PDE4D: variants seen among roughly 807,000 people sequenced by gnomAD.
PDE4D encodes the protein phosphodiesterase 4D.
A neutral mutation model predicts 87.4 loss-of-function variants in PDE4D; 24 were observed. The observed-to-expected ratio is 0.27, with a 90% CI of 0.20 to 0.39. The LOEUF (loss-of-function observed/expected upper bound fraction) is 0.39. Ranked by LOEUF, PDE4D falls within the 10% of genes least tolerant of loss-of-function variation. PDE4D has a pLI of 1.00. For synonymous variants in PDE4D, 384 were observed against 383.2 expected (o/e 1.00, Z -0.02); for missense variants, 714 against 1,041.0 (o/e 0.69, Z 4.32).
At chr5:59,878,474 C>G (rs545889703) in intron 1 of PDE4D, among the ~76,000 whole-genome samples, 2 of 151,888 alleles carry the variant, frequency 1.3e-5, no homozygotes, top group Non-Finnish European at 2.9e-5. Flanking sequence ...TATTTATTTA[C>G]TTACTTACTA....
rs528390359 is a variant in PDE4D at position 59,761,286 on chromosome 5, A to G, written c.455+131882T>C. Among the ~76,000 whole-genome samples the G allele has an allele frequency of 8.2e-4, 123 of 150,400 alleles. No individual in the cohort carries two copies. The Middle Eastern group carries it at 0.01, about 12-fold the overall frequency. ...GACTCAGTGAGTGAGTGGTGAGTCA[A>G]TGTGAAGGCCTGGGACATTTCCACA... On this transcript the variant is annotated intron_variant, in intron 1 of 14. Coordinates refer to ENST00000340635, the MANE Select transcript of PDE4D (RefSeq NM_001104631.2).
intron 5 of PDE4D, among the ~76,000 whole-genome samples, chr5:59,074,883 T>A (rs1364285040): frequency 6.6e-6 from 1 of 152,154 alleles, no homozygotes; most frequent in Non-Finnish European, 1.5e-5. Flanking sequence ...CACACAATGT[T>A]CTGACTTCCT....
At position 58,975,886 on chromosome 5, in the gene PDE4D, TAAAAAAAAAAAC is replaced by T; in HGVS notation, c.1831-59_1831-48del. 1 of 1,067,236 alleles carries T rather than the reference TAAAAAAAAAAAC, an allele frequency of 9.4e-7. No homozygotes were observed. Among genetic ancestry groups the T allele is most frequent in the Non-Finnish European group, 1.3e-6 (1 of 797,902 alleles). 66.1% of individuals were successfully genotyped at this position (1,067,236 alleles called of 1,614,324 possible). On this transcript the variant is annotated intron_variant, in intron 13 of 14. Transcript: ENST00000340635. This position sits in a 1 kb window ranked among gnomAD's most constrained non-coding sequence, Gnocchi z 4.2. ...TCTATTCACTCCTGTTCCTTTTTTT[TAAAAAAAAAAAC>T]AAAAAAAACTAGAAATTCACATTGG...
intron 1 of PDE4D, among the ~76,000 whole-genome samples, chr5:59,520,946 A>G (rs1812118910): frequency 6.6e-6 from 1 of 152,102 alleles, no homozygotes; most frequent in African/African-American, 2.4e-5. Flanking sequence ...GTATATATAT[A>G]TAATGTATAT....
At chr5:60,117,825 T>TACAC (rs370541468) in intron 2 of PDE4D, among the ~76,000 whole-genome samples, 6 of 148,156 alleles carry the variant, frequency 4.0e-5, no homozygotes, top group African/African-American at 2.5e-5. Context: ...CACACACACA[T>TACAC]ACACACACAC....
At chr5:60,253,317 G>A (rs1022206154) in intron 1 of PDE4D, among the ~76,000 whole-genome samples, 1 of 151,900 alleles carries the variant, frequency 6.6e-6, no homozygotes, top group African/African-American at 2.4e-5. Flanking sequence ...ATATGAAAGA[G>A]CAAGTCATCC....
At chr5:59,291,233 T>C (rs932641575) in intron 1 of PDE4D, among the ~76,000 whole-genome samples, 5 of 152,106 alleles carry the variant, frequency 3.3e-5, no homozygotes, top group African/African-American at 7.2e-5. Context: ...ATATATATAA[T>C]GTAGTACTAT....
chr5:59,867,722 C>G (rs920098851), intron 1 of PDE4D, among the ~76,000 whole-genome samples: 10 of 152,126 alleles, frequency 6.6e-5, no homozygotes, highest in African/African-American at 2.4e-4. Context: ...ATGTCTCATC[C>G]AGATCATGGA....
At chr5:59,282,669 GAT>G (rs1375865361) in intron 1 of PDE4D, among the ~76,000 whole-genome samples, 16 of 118,846 alleles carry the variant, frequency 1.3e-4, no homozygotes, top group African/African-American at 4.5e-4. Flanking sequence ...AAAAAAAAAA[GAT>G]GTGAAAAGCA....
intron 1 of PDE4D, among the ~76,000 whole-genome samples, chr5:60,475,978 G>C (rs181826559): frequency 2.1e-4 from 32 of 152,136 alleles, no homozygotes; most frequent in Middle Eastern, 3.4e-3. Context: ...ATACTTACCA[G>C]AGTTATCCTT....
chr5:59,401,564 AG>A, intron 1 of PDE4D, among the ~76,000 whole-genome samples: 1 of 152,098 alleles, frequency 6.6e-6, no homozygotes, highest in South Asian at 2.1e-4. Flanking sequence ...CGTGCAATTG[AG>A]AGATGAGCTT....
At chr5:60,307,324 T>C (rs995256935) in intron 1 of PDE4D, among the ~76,000 whole-genome samples, 24 of 152,162 alleles carry the variant, frequency 1.6e-4, no homozygotes, top group African/African-American at 5.3e-4. Context: ...GAAAATATTA[T>C]GACACTAGCT....
At chr5:59,153,370 A>G (rs1056231635) in intron 5 of PDE4D, among the ~76,000 whole-genome samples, 9 of 152,214 alleles carry the variant, frequency 5.9e-5, no homozygotes, top group African/African-American at 2.2e-4. Context: ...AATAATGGTC[A>G]ATGAAACAAA....
At position 60,407,587 on chromosome 5, in the gene PDE4D, G is replaced by T. The variant is rs572873944; in HGVS notation, c.-90+80355C>A. Among the ~76,000 whole-genome samples the T allele has an allele frequency of 6.6e-5, 10 of 150,508 alleles. 1 individual carries two copies. The South Asian group carries it at 2.1e-3, about 32-fold the overall frequency. On this transcript the variant is annotated intron_variant, in intron 1 of 16. Coordinates refer to the PDE4D transcript ENST00000502484. The stretch of plus-strand genomic sequence containing the variant: ...TCCTGCCTCGGCCTCTGAGTAGCTG[G>T]GACTGCAGGCGCACGGCACCACACC...
At chr5:59,958,894 G>A (rs1048395898) in intron 3 of PDE4D, among the ~76,000 whole-genome samples, 6 of 152,146 alleles carry the variant, frequency 3.9e-5, no homozygotes, top group Non-Finnish European at 5.9e-5. Flanking sequence ...AAAAGAGGAA[G>A]TAAAATTATT....
At chr5:59,830,983 A>G (rs1741112213) in intron 1 of PDE4D, among the ~76,000 whole-genome samples, 1 of 152,040 alleles carries the variant, frequency 6.6e-6, no homozygotes, top group Admixed American at 6.6e-5. Flanking sequence ...ATGTGCTAAA[A>G]GGGCTTTTCT....
chr5:59,027,371 C>G (rs1043785532), intron 6 of PDE4D, among the ~76,000 whole-genome samples: 1 of 152,010 alleles, frequency 6.6e-6, no homozygotes, highest in African/African-American at 2.4e-5. Context: ...TTTTTTTTCC[C>G]TTTCTACACT....
chr5:59,649,256 T>C (rs567665290), intron 1 of PDE4D, among the ~76,000 whole-genome samples: 1 of 152,318 alleles, frequency 6.6e-6, no homozygotes, highest in African/African-American at 2.4e-5. Context: ...GCCAAATTAC[T>C]TTCTTCTCTG....
At chr5:59,307,522 C>T (rs1399018638) in intron 1 of PDE4D, among the ~76,000 whole-genome samples, 1 of 152,112 alleles carries the variant, frequency 6.6e-6, no homozygotes, top group Non-Finnish European at 1.5e-5. Flanking sequence ...AAGAAAAAAA[C>T]AAACAACCCC....
Sources: gnomAD v4.1 joint callset for allele counts (sites outside exome capture counted in the v4.1 genomes callset) on GRCh38, gnomAD v4.1.1 for gene constraint, Gnocchi (gnomAD v3.1) non-coding constraint, MANE v1.5 for transcripts, NCBI Gene and HGNC (gene_info 2026-07-23, HGNC 2026-07-21) for gene names.